The following SUGCT variants were observed in gnomAD, a reference collection of about 807,000 sequenced individuals.
SUGCT encodes the protein succinyl-CoA:glutarate-CoA transferase, also known as succinyl-CoA:glutarate CoA-transferase.
Under a neutral mutation model 55.0 loss-of-function variants are expected in SUGCT, and 41 were observed. That is an observed-to-expected ratio of 0.74 (90% confidence interval 0.58 to 0.97). The LOEUF is 0.97. Ranked by LOEUF, SUGCT falls within the 50% of genes least tolerant of loss-of-function variation. The pLI is 0.00. For synonymous variants in SUGCT, 187 were observed against 200.4 expected, an observed-to-expected ratio of 0.93 and a Z score of 0.56; for missense variants, 568 against 547.8, an observed-to-expected ratio of 1.04 and a Z score of -0.37.
chr7:40,236,139 C>G (rs1371129948), intron 6 of SUGCT, among the ~76,000 whole-genome samples: 2 of 151,996 alleles, frequency 1.3e-5, no homozygotes, highest in Non-Finnish European at 2.9e-5. Flanking sequence ...CTCACTGTAA[C>G]CTCTGCCTCC....
chr7:40,988,673 G>T, the SUGCT span, among the ~76,000 whole-genome samples: 10 of 152,084 alleles, frequency 6.6e-5, no homozygotes, highest in Admixed American at 2.0e-4. Flanking sequence ...GTAGAGAAAA[G>T]AATCAAAAGA....
At chr7:40,323,456 G>C (rs112710858) in intron 9 of SUGCT, among the ~76,000 whole-genome samples, 5 of 152,000 alleles carry the variant, frequency 3.3e-5, no homozygotes, top group Non-Finnish European at 7.4e-5. Context: ...CTGGAGTAGT[G>C]GTGTGATCAT....
At chr7:40,151,372 A>G (rs1455379389) in intron 1 of SUGCT, among the ~76,000 whole-genome samples, 1 of 152,254 alleles carries the variant, frequency 6.6e-6, no homozygotes, top group Non-Finnish European at 1.5e-5. Context: ...CTGGAGCTGA[A>G]AGCATCTGTG....
intron 12 of SUGCT, among the ~76,000 whole-genome samples, chr7:40,573,459 C>T (rs1796561303): frequency 1.3e-5 from 2 of 152,138 alleles, no homozygotes; most frequent in African/African-American, 2.4e-5. Flanking sequence ...TGACTTAATC[C>T]AGTCTATTTT....
At chr7:40,806,755 G>A (rs1435865660) in intron 13 of SUGCT, among the ~76,000 whole-genome samples, 1 of 152,030 alleles carries the variant, frequency 6.6e-6, no homozygotes. Flanking sequence ...AATAATATTG[G>A]TACAAATGCT....
rs377007912 is a variant in SUGCT at position 40,205,890 on chromosome 7, C to T, written c.484+10830C>T. Among the ~76,000 whole-genome samples the T allele has an allele frequency of 6.2e-4, 94 of 152,168 alleles. 2 individuals are homozygous for T. In the South Asian group the frequency reaches 0.017, roughly 28 times the overall value. Reference sequence around the variant, plus strand: ...TCTAAAATTCCAGAAGCAAAGAGATCGCCTGGGCCTAGAAATACAGTATAA... The same window carrying T: ...TCTAAAATTCCAGAAGCAAAGAGATTGCCTGGGCCTAGAAATACAGTATAA... On this transcript the variant is annotated intron_variant, in intron 6 of 13. Transcript: ENST00000335693.
chr7:40,510,757 A>G (rs1368187283), intron 12 of SUGCT, among the ~76,000 whole-genome samples: 1 of 152,224 alleles, frequency 6.6e-6, no homozygotes, highest in African/African-American at 2.4e-5. Flanking sequence ...TACAAAAATA[A>G]GTAAATGGTT....
At chr7:40,315,030 G>A (rs1420226395) in intron 8 of SUGCT, among the ~76,000 whole-genome samples, 1 of 152,122 alleles carries the variant, frequency 6.6e-6, no homozygotes, top group Non-Finnish European at 1.5e-5. Context: ...TTCATCCAGA[G>A]CACTTGAAAT....
chr7:40,883,565 A>C, the SUGCT span, among the ~76,000 whole-genome samples: 1 of 152,192 alleles, frequency 6.6e-6, no homozygotes, highest in Non-Finnish European at 1.5e-5. Context: ...TTTATCTCAC[A>C]GAATTGTCAG....
chr7:40,578,419 G>C (rs1796891586), intron 12 of SUGCT, among the ~76,000 whole-genome samples: 1 of 151,820 alleles, frequency 6.6e-6, no homozygotes, highest in South Asian at 2.1e-4. Context: ...ATGGGTTTGG[G>C]GTGTGGTATG....
intron 12 of SUGCT, among the ~76,000 whole-genome samples, chr7:40,699,919 T>C (rs1785104615): frequency 6.6e-6 from 1 of 152,214 alleles, no homozygotes; most frequent in Non-Finnish European, 1.5e-5. Flanking sequence ...AATTATTTCA[T>C]TGTTGGCAGC....
chr7:40,353,284 T>C (rs1797731288), intron 9 of SUGCT, among the ~76,000 whole-genome samples: 1 of 152,122 alleles, frequency 6.6e-6, no homozygotes, highest in African/African-American at 2.4e-5. Flanking sequence ...TTAGTCTAAA[T>C]ACGCAAAGGG....
At chr7:40,334,766 A>G (rs1453690536) in intron 9 of SUGCT, among the ~76,000 whole-genome samples, 5 of 152,040 alleles carry the variant, frequency 3.3e-5, no homozygotes, top group Non-Finnish European at 5.9e-5. Context: ...ATTAGATCCC[A>G]TTTGTCAATT....
intron 1 of SUGCT, among the ~76,000 whole-genome samples, chr7:40,149,392 T>C (rs1170873807): frequency 6.6e-6 from 1 of 152,212 alleles, no homozygotes; most frequent in African/African-American, 2.4e-5. Context: ...TTATAGTTCA[T>C]AGTTTAAACA....
intron 12 of SUGCT, among the ~76,000 whole-genome samples, chr7:40,690,420 C>G (rs1222632097): frequency 1.3e-5 from 2 of 152,004 alleles, no homozygotes; most frequent in South Asian, 4.2e-4. Context: ...TTCCCTATGC[C>G]TAATTATGTT....
chr7:41,007,877 G>C, the SUGCT span, among the ~76,000 whole-genome samples: 1 of 143,766 alleles, frequency 7.0e-6, no homozygotes, highest in South Asian at 2.2e-4. Context: ...TTTTTAAATC[G>C]TTGTGTTCAA....
chr7:40,190,404 C>T (rs1785820000), intron 5 of SUGCT, among the ~76,000 whole-genome samples: 1 of 152,100 alleles, frequency 6.6e-6, no homozygotes, highest in Non-Finnish European at 1.5e-5. Context: ...TGTGCACTAG[C>T]ACACCTGGCT....
rs557726811 is a variant in SUGCT at position 40,712,590 on chromosome 7, G to C, written c.1090-36844G>C. 2.6e-5 allele frequency among the ~76,000 whole-genome samples: 4 copies of C among 152,262 alleles called. No individual in the cohort carries two copies. The East Asian group carries it at 7.7e-4, about 29-fold the overall frequency. On this transcript the variant is annotated intron_variant, in intron 12 of 13. Transcript: ENST00000335693. ...TATGCAGCTTTTACTTGAAATGCTG[G>C]CCAAATAAAATGGAAATATATTTGT...
chr7:40,380,062 G>A (rs1784795519), intron 9 of SUGCT, among the ~76,000 whole-genome samples: 1 of 152,160 alleles, frequency 6.6e-6, no homozygotes, highest in African/African-American at 2.4e-5. Flanking sequence ...CCCTGAGGCA[G>A]GTCAAATAAA....
Sources: gnomAD v4.1 joint callset for allele counts (sites outside exome capture counted in the v4.1 genomes callset) on GRCh38, gnomAD v4.1.1 for gene constraint, MANE v1.5 for transcripts, NCBI Gene and HGNC (gene_info 2026-07-23, HGNC 2026-07-21) for gene names.